Variants in CDKAL1 observed in about 807,000 individuals in gnomAD.
CDKAL1 encodes CDKAL1 threonylcarbamoyladenosine tRNA methylthiotransferase, also known as threonylcarbamoyladenosine tRNA methylthiotransferase.
A neutral mutation model predicts 68.2 loss-of-function variants in CDKAL1; 32 were observed. That is an observed-to-expected ratio of 0.47 (90% confidence interval 0.35 to 0.63). The LOEUF (loss-of-function observed/expected upper bound fraction) is 0.63. Ranked by LOEUF, CDKAL1 falls within the 30% of genes least tolerant of loss-of-function variation. CDKAL1 has a pLI of 0.00. For synonymous variants in CDKAL1, 234 were observed against 244.3 expected (o/e 0.96, Z 0.39); for missense variants, 606 against 696.7 (o/e 0.87, Z 1.47).
At chr6:21,202,797 C>A (rs1399930331) in intron 15 of CDKAL1, among the ~76,000 whole-genome samples, 1 of 152,122 alleles carries the variant, frequency 6.6e-6, no homozygotes, top group Non-Finnish European at 1.5e-5. Context: ...AAGGGCAGTT[C>A]CGTTTAAATT....
chr6:20,721,725 GTTTTT>G (rs145893325), intron 5 of CDKAL1, among the ~76,000 whole-genome samples: 36 of 67,378 alleles, frequency 5.3e-4, no homozygotes, highest in African/African-American at 2.0e-3. Context: ...ACCAACTTCT[GTTTTT>G]TTTTTTTTTT....
chr6:21,115,433 T>C (rs886976542), intron 13 of CDKAL1, among the ~76,000 whole-genome samples: 1 of 152,242 alleles, frequency 6.6e-6, no homozygotes, highest in Non-Finnish European at 1.5e-5. Flanking sequence ...ATTCAGTTTT[T>C]AATGGATCCG....
At chr6:21,193,777 C>A (rs1448687782) in intron 13 of CDKAL1, among the ~76,000 whole-genome samples, 1 of 152,184 alleles carries the variant, frequency 6.6e-6, no homozygotes, top group Non-Finnish European at 1.5e-5. Context: ...TTGAATGTTA[C>A]AATTCTCTTG....
intron 5 of CDKAL1, among the ~76,000 whole-genome samples, chr6:20,691,969 G>A (rs553943013): frequency 6.6e-6 from 1 of 152,014 alleles, no homozygotes; most frequent in Admixed American, 6.5e-5. Flanking sequence ...TAAATTTGGT[G>A]GTATGCACAA....
At chr6:20,635,022 C>T (rs1767842610) in intron 4 of CDKAL1, among the ~76,000 whole-genome samples, 1 of 151,328 alleles carries the variant, frequency 6.6e-6, no homozygotes, top group Non-Finnish European at 1.5e-5. Context: ...AAGGATGATT[C>T]CTAGGGTTCT....
intron 9 of CDKAL1, among the ~76,000 whole-genome samples, chr6:20,868,676 G>A (rs1760034591): frequency 6.6e-6 from 1 of 152,202 alleles, no homozygotes; most frequent in Non-Finnish European, 1.5e-5. Context: ...TTGATTACAC[G>A]TTCTTGTTAG....
chr6:21,078,459 T>C (rs945198193), intron 12 of CDKAL1, among the ~76,000 whole-genome samples: 2 of 152,324 alleles, frequency 1.3e-5, no homozygotes, highest in Non-Finnish European at 1.5e-5. Context: ...AGCCCTTTAA[T>C]GTATTTCATT....
chr6:20,575,024 A>G (rs907003294), intron 4 of CDKAL1, among the ~76,000 whole-genome samples: 2 of 152,170 alleles, frequency 1.3e-5, no homozygotes, highest in Admixed American at 1.3e-4. Context: ...TTATTTCACA[A>G]TATAATAACT....
At chr6:20,771,513 T>G (rs1341012326) in intron 7 of CDKAL1, among the ~76,000 whole-genome samples, 2 of 152,200 alleles carry the variant, frequency 1.3e-5, no homozygotes, top group African/African-American at 4.8e-5. Context: ...TGTCACACTT[T>G]ATGGTGGCTT....
At chr6:20,791,276 G>GCA (rs1463728459) in intron 8 of CDKAL1, among the ~76,000 whole-genome samples, 2 of 152,190 alleles carry the variant, frequency 1.3e-5, no homozygotes, top group Non-Finnish European at 2.9e-5. Flanking sequence ...ACAATGCCTG[G>GCA]CACATAGTAT....
chr6:20,769,964 A>T (rs1476796720), intron 7 of CDKAL1, among the ~76,000 whole-genome samples: 1 of 151,638 alleles, frequency 6.6e-6, no homozygotes, highest in Non-Finnish European at 1.5e-5. Context: ...CCCATTTATT[A>T]TTTTCTTTTC....
chr6:21,090,080 G>A (rs1474118974), intron 12 of CDKAL1, among the ~76,000 whole-genome samples: 1 of 152,110 alleles, frequency 6.6e-6, no homozygotes, highest in Non-Finnish European at 1.5e-5. Flanking sequence ...TTTTTACAAG[G>A]GTGATGTCTT....
chr6:20,686,084 GTTT>G (rs34987372), intron 5 of CDKAL1, among the ~76,000 whole-genome samples: 2 of 143,396 alleles, frequency 1.4e-5, no homozygotes, highest in African/African-American at 5.1e-5. Flanking sequence ...TTGTTTTAAG[GTTT>G]TTTTTTTTTT....
Position 20,551,163 on chromosome 6 carries a change from C to T in CDKAL1, c.286+2458C>T, listed in dbSNP as rs985988239. 7.2e-5 allele frequency among the ~76,000 whole-genome samples: 11 copies of T among 151,974 alleles called. No homozygotes were observed. The East Asian group carries it at 1.9e-3, about 27-fold the overall frequency. On this transcript the variant is annotated intron_variant, in intron 4 of 15. Transcript: ENST00000274695. Reference sequence around the variant, plus strand: ...TACAGGCGTGAGCCACTGTGCTCGGCCTGAGAGGTTGCGTCTTATCTTAAA... The same window carrying T: ...TACAGGCGTGAGCCACTGTGCTCGGTCTGAGAGGTTGCGTCTTATCTTAAA...
chr6:20,799,885 A>C (rs1203229937), intron 8 of CDKAL1: 1 of 152,226 alleles, frequency 6.6e-6, no homozygotes. Context: ...ACAAATCTAA[A>C]AGTACTTGGT....
chr6:20,878,869 A>C (rs1037446387), intron 9 of CDKAL1, among the ~76,000 whole-genome samples: 3 of 151,958 alleles, frequency 2.0e-5, no homozygotes, highest in African/African-American at 7.3e-5. Context: ...ACCTGAGGTC[A>C]GGGGTTCAAG....
At chr6:20,948,772 TA>T (rs1160634530) in intron 9 of CDKAL1, among the ~76,000 whole-genome samples, 2 of 152,236 alleles carry the variant, frequency 1.3e-5, no homozygotes, top group African/African-American at 4.8e-5. Context: ...ATATGGAGCA[TA>T]ACATACTGTG....
At chr6:20,616,528 A>C (rs1219061000) in intron 4 of CDKAL1, among the ~76,000 whole-genome samples, 2 of 142,612 alleles carry the variant, frequency 1.4e-5, no homozygotes, top group African/African-American at 5.3e-5. Flanking sequence ...TAGGTATTTT[A>C]TTCTCTTTGA....
intron 4 of CDKAL1, among the ~76,000 whole-genome samples, chr6:20,585,555 C>T (rs1265317490): frequency 1.3e-5 from 2 of 152,178 alleles, no homozygotes; most frequent in African/African-American, 2.4e-5. Context: ...ATGACCTTTG[C>T]TTGGCCAAAT....
Sources: gnomAD v4.1 joint callset for allele counts (sites outside exome capture counted in the v4.1 genomes callset) on GRCh38, gnomAD v4.1.1 for gene constraint, MANE v1.5 for transcripts, NCBI Gene and HGNC (gene_info 2026-07-23, HGNC 2026-07-21) for gene names.